The following GRID2 variants were observed in gnomAD, a reference collection of about 807,000 sequenced individuals.
The protein encoded by GRID2 is glutamate ionotropic receptor delta type subunit 2, also known as glutamate receptor ionotropic, delta-2.
In GRID2, 33 loss-of-function variants were observed where a neutral mutation model predicts 114.8. That is an observed-to-expected ratio of 0.29 (90% confidence interval 0.22 to 0.38). The LOEUF is 0.38. GRID2 is among the 10% of genes least tolerant of loss of function. GRID2 has a pLI of 1.00. For missense variants in GRID2, 1,184 were observed against 1,257.7 expected (o/e 0.94, Z 0.89); for synonymous variants, 505 against 449.9 (o/e 1.12, Z -1.55).
chr4:92,581,934 A>G (rs1728202794), intron 1 of GRID2, among the ~76,000 whole-genome samples: 1 of 152,152 alleles, frequency 6.6e-6, no homozygotes, highest in East Asian at 1.9e-4. Context: ...ACCCTCTGTG[A>G]TCTTGACAAT....
At chr4:92,461,101 T>C (rs537663153) in intron 1 of GRID2, among the ~76,000 whole-genome samples, 223 of 151,754 alleles carry the variant, frequency 1.5e-3, no homozygotes, top group African/African-American at 5.2e-3. Context: ...TATATAACTT[T>C]CTTTCTTATA....
chr4:92,470,407 A>C (rs1721977364), intron 1 of GRID2, among the ~76,000 whole-genome samples: 1 of 151,980 alleles, frequency 6.6e-6, no homozygotes, highest in Non-Finnish European at 1.5e-5. Flanking sequence ...AGTTTGGCCA[A>C]AATTCAAAAT....
chr4:92,797,317 T>TC (rs1739930067), intron 2 of GRID2, among the ~76,000 whole-genome samples: 1 of 152,020 alleles, frequency 6.6e-6, no homozygotes, highest in South Asian at 2.1e-4. Context: ...GAAACAATGA[T>TC]CATCACATGG....
chr4:92,970,203 A>G (rs553394791), intron 2 of GRID2, among the ~76,000 whole-genome samples: 1 of 152,004 alleles, frequency 6.6e-6, no homozygotes, highest in African/African-American at 2.4e-5. Flanking sequence ...CTCAGATTCC[A>G]CTAATCCACA....
At chr4:93,547,534 A>T (rs1032675627) in intron 13 of GRID2, among the ~76,000 whole-genome samples, 2 of 152,186 alleles carry the variant, frequency 1.3e-5, no homozygotes, top group South Asian at 4.1e-4. Context: ...CGAATGTAAA[A>T]CAGTGATAAT....
In GRID2 at chr4:93,769,470, G is replaced by A; in HGVS notation, c.2601+20G>A. 6.2e-7 allele frequency: 1 copy of A among 1,612,076 alleles called. No individual in the cohort carries two copies. The highest frequency in any genetic ancestry group is 1.3e-5 in the African/African-American group (1 of 74,938). ...AAAGAGGTACTTGATTGAGAGATTT[G>A]GCTCTAAATTGAATCAACAAGCAGG... On this transcript the variant is annotated intron_variant, in intron 15 of 15. Coordinates refer to ENST00000282020, the MANE Select transcript of GRID2 (RefSeq NM_001510.4).
intron 1 of GRID2, among the ~76,000 whole-genome samples, chr4:92,339,878 A>G (rs189510971): frequency 1.3e-5 from 2 of 152,336 alleles, no homozygotes; most frequent in East Asian, 3.9e-4. Context: ...ACCAATATGC[A>G]TAAACACTGA....
intron 2 of GRID2, among the ~76,000 whole-genome samples, chr4:93,038,692 G>A (rs541296692): frequency 2.0e-4 from 30 of 152,100 alleles, no homozygotes; most frequent in Non-Finnish European, 3.5e-4. Flanking sequence ...TCGGGAGGCT[G>A]AGGCAGGAGA....
At chr4:92,643,298 A>G (rs1440034672) in intron 2 of GRID2, among the ~76,000 whole-genome samples, 4 of 151,518 alleles carry the variant, frequency 2.6e-5, no homozygotes, top group African/African-American at 9.7e-5. Context: ...TATAGTTCTT[A>G]TTGTGGAGAT....
intron 1 of GRID2, among the ~76,000 whole-genome samples, chr4:92,370,912 C>T (rs1729088308): frequency 6.6e-6 from 1 of 152,184 alleles, no homozygotes; most frequent in Middle Eastern, 3.4e-3. Context: ...GAAAACGGAA[C>T]GTTCTAGAAA....
intron 2 of GRID2, among the ~76,000 whole-genome samples, chr4:93,015,028 A>C (rs1159684586): frequency 3.3e-5 from 5 of 152,166 alleles, no homozygotes; most frequent in Admixed American, 1.3e-4. Context: ...GAGGTGATTA[A>C]AATAAATGAC....
intron 2 of GRID2, among the ~76,000 whole-genome samples, chr4:92,597,966 C>A (rs1199071529): frequency 6.6e-6 from 1 of 152,030 alleles, no homozygotes; most frequent in Non-Finnish European, 1.5e-5. Context: ...TTATATGATC[C>A]AGTTTACCTG....
chr4:92,502,417 T>C (rs1319704622), intron 1 of GRID2, among the ~76,000 whole-genome samples: 1 of 152,084 alleles, frequency 6.6e-6, no homozygotes, highest in Non-Finnish European at 1.5e-5. Context: ...CCACATAAAA[T>C]ATAAAATGAG....
intron 2 of GRID2, among the ~76,000 whole-genome samples, chr4:92,800,404 A>G (rs1220620636): frequency 6.6e-6 from 1 of 152,016 alleles, no homozygotes; most frequent in African/African-American, 2.4e-5. Flanking sequence ...ATATTGAACT[A>G]AGAATTAGTT....
chr4:92,479,064 T>C (rs1005347015), intron 1 of GRID2, among the ~76,000 whole-genome samples: 3 of 152,148 alleles, frequency 2.0e-5, no homozygotes, highest in Non-Finnish European at 4.4e-5. Flanking sequence ...GTATCTCATA[T>C]GAGCCAGTTG....
At chr4:92,922,017 T>A (rs955022274) in intron 2 of GRID2, among the ~76,000 whole-genome samples, 10 of 152,178 alleles carry the variant, frequency 6.6e-5, no homozygotes, top group Non-Finnish European at 5.9e-5. Flanking sequence ...TCCTGGCCAC[T>A]TTGTTTACCT....
chr4:92,867,188 G>T (rs1744929254), intron 2 of GRID2, among the ~76,000 whole-genome samples: 2 of 151,652 alleles, frequency 1.3e-5, no homozygotes, highest in South Asian at 2.1e-4. Flanking sequence ...ATAACATATT[G>T]GTTATTGCGC....
intron 8 of GRID2, among the ~76,000 whole-genome samples, chr4:93,359,006 T>C (rs1345509526): frequency 1.3e-5 from 2 of 152,098 alleles, no homozygotes; most frequent in Non-Finnish European, 2.9e-5. Context: ...CATGAGTCTA[T>C]GGTTGATGGG....
chr4:92,809,730 T>C (rs1339850095), intron 2 of GRID2, among the ~76,000 whole-genome samples: 2 of 152,030 alleles, frequency 1.3e-5, no homozygotes, highest in Admixed American at 1.3e-4. Context: ...TATGCTGTTA[T>C]TTGTCCACTG....
Sources: gnomAD v4.1 joint callset for allele counts (sites outside exome capture counted in the v4.1 genomes callset) on GRCh38, gnomAD v4.1.1 for gene constraint, MANE v1.5 for transcripts, NCBI Gene and HGNC (gene_info 2026-07-23, HGNC 2026-07-21) for gene names.